ACCSL: variants seen among roughly 807,000 people sequenced by gnomAD.
ACCSL encodes probable inactive 1-aminocyclopropane-1-carboxylate synthase-like protein 2.
Under a neutral mutation model 61.7 loss-of-function variants are expected in ACCSL, and 55 were observed. The ratio of observed to expected loss-of-function variants is 0.89; its 90% CI spans 0.72 to 1.12. The LOEUF (loss-of-function observed/expected upper bound fraction) is 1.12. Among genes scored for constraint, ACCSL ranks in the 50% most tolerant of loss-of-function variants. The pLI is 0.00. For missense variants in ACCSL, 632 were observed against 698.0 expected (o/e 0.91, Z 1.07); for synonymous variants, 258 against 264.3 (o/e 0.98, Z 0.23).
chr11:44,017,907 C>T, the ACCSL span, among the ~76,000 whole-genome samples: 1 of 152,040 alleles, frequency 6.6e-6, no homozygotes, highest in African/African-American at 2.4e-5. Flanking sequence ...TGGAAGTAAG[C>T]AGCTTGTCAT....
At chr11:43,961,701 T>TTCTCTCTCTC in the ACCSL span, among the ~76,000 whole-genome samples, 18,825 of 151,004 alleles carry the variant, frequency 0.12, 1,267 homozygotes, top group Non-Finnish European at 0.15. Context: ...TATTGTTTTG[T>TTCTCTCTCTC]TCTCTCTCTC....
chr11:44,046,599 A>G (rs1292506471), upstream of ACCSL, among the ~76,000 whole-genome samples: 1 of 152,244 alleles, frequency 6.6e-6, no homozygotes, highest in Non-Finnish European at 1.5e-5. Flanking sequence ...GAAGTTGGAC[A>G]GAGTGTTTGG....
chr11:43,942,521 G>T, the ACCSL span: 1 of 235,050 alleles, frequency 4.3e-6, no homozygotes, highest in Non-Finnish European at 8.6e-6. Flanking sequence ...GCGGGGCGAC[G>T]TCAGGCGGAA....
intron 3 of ACCSL, 64 bp from the exon 4 acceptor site, chr11:44,051,271 C>T (rs879223865): frequency 4.6e-6 from 7 of 1,537,088 alleles, no homozygotes; most frequent in South Asian, 4.5e-5. Context: ...GGACAATGAC[C>T]ATCTAGACCA....
chr11:43,986,417 A>G, the ACCSL span, among the ~76,000 whole-genome samples: 2 of 151,428 alleles, frequency 1.3e-5, no homozygotes, highest in Non-Finnish European at 2.9e-5. Flanking sequence ...ATCTCAGAGT[A>G]AGACCCGGGC....
chr11:43,982,871 C>T, the ACCSL span, among the ~76,000 whole-genome samples: 1 of 152,140 alleles, frequency 6.6e-6, no homozygotes, highest in South Asian at 2.1e-4. Context: ...AGAGAGGAGG[C>T]AGGAGTGGTC....
the ACCSL span, among the ~76,000 whole-genome samples, chr11:43,936,505 G>T: frequency 3.4e-5 from 5 of 145,684 alleles, no homozygotes; most frequent in African/African-American, 5.5e-5. Context: ...CAGGGGCATT[G>T]CTTCTACACA....
the ACCSL span, among the ~76,000 whole-genome samples, chr11:43,971,976 A>G: frequency 6.6e-6 from 1 of 152,168 alleles, no homozygotes; most frequent in East Asian, 1.9e-4. Context: ...ATAGTTATTT[A>G]TTAGTCATTT....
the ACCSL span, among the ~76,000 whole-genome samples, chr11:43,981,680 G>A: frequency 2.6e-5 from 4 of 152,284 alleles, no homozygotes; most frequent in East Asian, 5.8e-4. Flanking sequence ...GGGAGGCCCA[G>A]AAGGCCACCT....
In ACCSL at chr11:44,048,404, T is replaced by C. The variant is rs765472708; in HGVS notation, c.368T>C (p.Leu123Pro). The C allele has an allele frequency of 6.2e-7, 1 of 1,614,160 alleles. No homozygotes were observed. The highest frequency in any genetic ancestry group is 8.5e-7 in the Non-Finnish European group (1 of 1,180,038). ...LSGQPDPVPQ[L>P]SDCEAAFVNR... Reference sequence around the variant, plus strand: ...GGGCAGCCTGATCCAGTTCCCCAACTGAGTGATTGTGAAGCTGCCTTTGTC... The same window carrying C: ...GGGCAGCCTGATCCAGTTCCCCAACCGAGTGATTGTGAAGCTGCCTTTGTC... The change falls in exon 1 of 14, where the codon CTG (leucine) becomes CCG (proline). Residue 123 changes from leucine (L) to proline (P), a missense_variant. By Grantham distance (98) the Leu-to-Pro change is moderately conservative. Transcript: ENST00000378832.
chr11:43,931,393 G>A, the ACCSL span, among the ~76,000 whole-genome samples: 2 of 152,204 alleles, frequency 1.3e-5, no homozygotes, highest in Admixed American at 6.5e-5. Context: ...CTGGCTGCCA[G>A]TTAGAATTCT....
At chr11:44,038,771 A>G in the ACCSL span, among the ~76,000 whole-genome samples, 1 of 152,178 alleles carries the variant, frequency 6.6e-6, no homozygotes, top group Non-Finnish European at 1.5e-5. Flanking sequence ...GGCTGGCCTT[A>G]CTTTTTAAAA....
intron 4 of ACCSL, 115 bp downstream of exon 4, chr11:44,051,519 C>A (rs1952638936): frequency 6.5e-7 from 1 of 1,533,276 alleles, no homozygotes; most frequent in Non-Finnish European, 9.0e-7. Context: ...AGGGCCAGGG[C>A]AGCATGAAGG....
chr11:44,043,880 C>CT, upstream of ACCSL, among the ~76,000 whole-genome samples: 1 of 152,030 alleles, frequency 6.6e-6, no homozygotes, highest in Non-Finnish European at 1.5e-5. Flanking sequence ...TTTTAATTTT[C>CT]TTTCCATTTT....
the ACCSL span, among the ~76,000 whole-genome samples, chr11:43,940,657 G>T: frequency 6.6e-6 from 1 of 152,152 alleles, no homozygotes; most frequent in Admixed American, 6.5e-5. Flanking sequence ...ACCGCACCCG[G>T]CTGAAATTCT....
At position 44,050,562 on chromosome 11, in the gene ACCSL, G is replaced by A; in HGVS notation, c.575G>A (p.Ser192Asn). The A allele has an allele frequency of 6.2e-7, 1 of 1,614,056 alleles. No homozygotes were observed. ...TCTATTTGTCAACAGTTGCAAGAAA[G>A]TGACATGAACTGCATTGAGGACACC... ...MDLMTERLQESDMNCIEDTLL... is the reference protein window; with the variant it reads ...MDLMTERLQENDMNCIEDTLL... Residue 192 changes from serine to asparagine, a missense_variant, in exon 3 of 14, where the codon AGT becomes AAT. By Grantham distance (46) the Ser-to-Asn change is conservative. Transcript: ENST00000378832.
the ACCSL span, among the ~76,000 whole-genome samples, chr11:43,982,444 T>C: frequency 6.6e-6 from 1 of 151,872 alleles, no homozygotes; most frequent in Non-Finnish European, 1.5e-5. Context: ...GCCAGGGTGG[T>C]CTTGAACTCC....
chr11:43,952,646 G>A, the ACCSL span, among the ~76,000 whole-genome samples: 3 of 152,066 alleles, frequency 2.0e-5, no homozygotes, highest in East Asian at 5.8e-4. Flanking sequence ...CCTCTCACGC[G>A]GACCCTCTTA....
the ACCSL span, among the ~76,000 whole-genome samples, chr11:43,946,651 C>A: frequency 6.6e-6 from 1 of 152,148 alleles, no homozygotes; most frequent in African/African-American, 2.4e-5. Flanking sequence ...CACATCATAG[C>A]TTTTCATAAA....
Sources: allele counts gnomAD v4.1 joint callset (sites outside exome capture counted in the v4.1 genomes callset), GRCh38; gene constraint gnomAD v4.1.1; transcripts MANE v1.5; gene names NCBI Gene and HGNC (gene_info 2026-07-23, HGNC 2026-07-21).